Variants in ARID4B observed in about 807,000 individuals in gnomAD.
ARID4B encodes AT-rich interaction domain 4B.
A neutral mutation model predicts 147.5 loss-of-function variants in ARID4B; 26 were observed. The observed-to-expected ratio is 0.18, with a 90% CI of 0.13 to 0.24. The LOEUF (loss-of-function observed/expected upper bound fraction) is 0.24, where lower values mean the gene tolerates loss of function less well. ARID4B is among the 10% of genes least tolerant of loss of function. ARID4B has a pLI of 1.00. For missense variants in ARID4B, 1,179 were observed against 1,511.5 expected (o/e 0.78, Z 3.65); for synonymous variants, 512 against 507.9 (o/e 1.01, Z -0.11).
intron 2 of ARID4B, among the ~76,000 whole-genome samples, chr1:235,321,407 G>C (rs1270242328): frequency 1.3e-5 from 2 of 152,138 alleles, no homozygotes; most frequent in Non-Finnish European, 2.9e-5. Flanking sequence ...TTAACTAGCA[G>C]GTCCAATGAC....
chr1:235,173,771 AAT>A (rs1169414831), intron 22 of ARID4B, among the ~76,000 whole-genome samples: 1,907 of 32,256 alleles, frequency 0.059, 54 homozygotes, highest in South Asian at 0.069. Context: ...AAAAAAAAAA[AAT>A]ATATATATAT....
At position 235,328,091 on chromosome 1, in the gene ARID4B, T is replaced by G. The variant is rs1485510611; in HGVS notation, c.-372A>C. ...TCCCTCCGGGCAAAGGTCCAGGCGG[T>G]GGCCGTGGCGGCGGCAAGATGAAGC... On this transcript the variant is annotated 5_prime_UTR_variant, in exon 1 of 24. Transcript: ENST00000264183. 2 of 153,306 alleles carry G rather than the reference T, an allele frequency of 1.3e-5. No homozygotes were observed. The highest frequency in any genetic ancestry group is 1.5e-5 in the Non-Finnish European group (1 of 68,576). The allele number at this position is 153,306 out of a possible 1,614,324, so 9.5% of individuals were successfully genotyped here. A position where few individuals can be genotyped will look rare whatever the true frequency, so the allele number is the denominator to read the frequency against.
At chr1:235,236,833 A>AAAAAAAAAATATATATATAT (rs1175189621) in intron 8 of ARID4B, among the ~76,000 whole-genome samples, 1 of 33,522 alleles carries the variant, frequency 3.0e-5, no homozygotes, top group Non-Finnish European at 4.7e-5. Flanking sequence ...TTTTATAAAA[A>AAAAAAAAAATATATATATAT]ATATATATAT....
Position 235,181,685 on chromosome 1 carries a change from G to A in ARID4B, c.3234C>T (p.Leu1078=). 1 of 1,614,042 alleles carries A rather than the reference G, an allele frequency of 6.2e-7. No individual in the cohort carries two copies. Among genetic ancestry groups the A allele is most frequent in the East Asian group, 2.2e-5 (1 of 44,878 alleles). The change falls in exon 20 of 24, where the codon CTC becomes CTT. Residue 1078 remains leucine (L), a synonymous_variant. Transcript: ENST00000264183. The part of the protein sequence containing the change: ...TIEVDSVAGE[L]QDLQSEGNSS... ...TATTCCCTTCAGACTGGAGGTCTTG[G>A]AGCTCCCCAGCAACACTATCCACCT... is the stretch of plus-strand genomic sequence containing the variant.
chr1:235,318,214 A>T (rs1674574530), intron 2 of ARID4B, among the ~76,000 whole-genome samples: 1 of 122,456 alleles, frequency 8.2e-6, no homozygotes, highest in Non-Finnish European at 1.6e-5. Flanking sequence ...TCTTGATCTG[A>T]CACCTAGGCT....
chr1:235,291,300 C>T (rs1382951790), intron 2 of ARID4B, among the ~76,000 whole-genome samples: 7 of 151,806 alleles, frequency 4.6e-5, no homozygotes, highest in Non-Finnish European at 2.9e-5. Context: ...CCAGCTACCT[C>T]GGAAGGATGA....
intron 6 of ARID4B, among the ~76,000 whole-genome samples, chr1:235,248,686 C>CA (rs1669454542): frequency 6.6e-6 from 1 of 152,178 alleles, no homozygotes; most frequent in African/African-American, 2.4e-5. Context: ...GTTTAAGAAT[C>CA]ACACATAGTA....
At chr1:235,230,280 G>C (rs184849438) in intron 10 of ARID4B, among the ~76,000 whole-genome samples, 22 of 152,076 alleles carry the variant, frequency 1.4e-4, no homozygotes, top group African/African-American at 5.1e-4. Flanking sequence ...CGGGCATAGT[G>C]GTGGGCCCCT....
At position 235,274,993 on chromosome 1, in the gene ARID4B, T is replaced by TTGTGTGTG. The variant is rs72168611; in HGVS notation, c.7-14249_7-14242dup. Among the ~76,000 whole-genome samples the TTGTGTGTG allele has an allele frequency of 6.3e-3, 936 of 148,510 alleles. 12 individuals carry two copies. The highest frequency in any genetic ancestry group is 0.021 in the African/African-American group (869 of 40,534). On this transcript the variant is annotated intron_variant, in intron 2 of 23. Coordinates refer to ENST00000264183, the MANE Select transcript of ARID4B (RefSeq NM_016374.6). ...GGAAAATCCAACACTAGGCCTAATT[T>TTGTGTGTG]TGTGTGTGTGTGTGTGTGTGTGTGT...
At chr1:235,195,959 T>A in intron 18 of ARID4B, 72 bp downstream of exon 18, 2 of 873,686 alleles carry the variant, frequency 2.3e-6, no homozygotes, top group Non-Finnish European at 3.8e-6. Context: ...CACTAACACA[T>A]ATTTAATTGC....
intron 20 of ARID4B, among the ~76,000 whole-genome samples, chr1:235,178,228 T>C (rs1159211396): frequency 2.0e-5 from 3 of 152,150 alleles, no homozygotes; most frequent in African/African-American, 7.2e-5. Flanking sequence ...ATTAAAAGTA[T>C]ATGCTGAAAA....
At chr1:235,205,218 T>G (rs1666230010) in intron 17 of ARID4B, among the ~76,000 whole-genome samples, 1 of 151,098 alleles carries the variant, frequency 6.6e-6, no homozygotes, top group South Asian at 2.1e-4. Flanking sequence ...TCAGATTACA[T>G]GGAAATAAGA....
chr1:235,318,341 A>G (rs1001209463), intron 2 of ARID4B, among the ~76,000 whole-genome samples: 2 of 151,826 alleles, frequency 1.3e-5, no homozygotes, highest in African/African-American at 4.8e-5. Flanking sequence ...ACACCCGGCT[A>G]ATTTTTTTAT....
chr1:235,208,377 G>A (rs1666465484), intron 17 of ARID4B, among the ~76,000 whole-genome samples: 1 of 152,048 alleles, frequency 6.6e-6, no homozygotes, highest in African/African-American at 2.4e-5. Flanking sequence ...ACATCACTAA[G>A]AAAAGTTAAA....
chr1:235,260,881 C>A, intron 2 of ARID4B, 129 bp from the exon 3 acceptor site: 1 of 605,338 alleles, frequency 1.7e-6, no homozygotes, highest in Non-Finnish European at 2.8e-6. Flanking sequence ...TTAACAAGAC[C>A]AATCTATAAA....
rs185418213 is a variant in ARID4B at position 235,169,456 on chromosome 1, T to C, written c.3812-804A>G. On this transcript the variant is annotated intron_variant, in intron 23 of 23. Coordinates refer to ENST00000264183, the MANE Select transcript of ARID4B (RefSeq NM_016374.6). ...TGGGGTTTCACCATGTTAGCCAGGA[T>C]GGTCTCGATCTCCTGACCTCATGAT... Among the ~76,000 whole-genome samples, 14 of 152,146 alleles carry C rather than the reference T, an allele frequency of 9.2e-5. No individual in the cohort carries two copies. In the South Asian group the frequency reaches 1.2e-3, roughly 14 times the overall value.
Position 235,213,951 on chromosome 1 carries a change from CTCTTCT to C in ARID4B, c.1653_1658del (p.Glu552_Glu553del). The C allele has an allele frequency of 3.1e-6, 5 of 1,602,942 alleles. No homozygotes were observed. Among genetic ancestry groups the C allele is most frequent in the Non-Finnish European group, 4.3e-6 (5 of 1,170,562 alleles). Reference sequence around the variant, plus strand: ...CATTGTTGTCATCATCATCTTCATCCTCTTCTTCTTCTTCCTCCTCCTCCTCCTCTT... The same window carrying C: ...CATTGTTGTCATCATCATCTTCATCCTCTTCTTCCTCCTCCTCCTCCTCTT... On this transcript the variant is annotated inframe_deletion, in exon 17 of 24. Coordinates refer to ENST00000264183, the MANE Select transcript of ARID4B (RefSeq NM_016374.6).
At chr1:235,202,127 C>G (rs1665984434) in intron 17 of ARID4B, among the ~76,000 whole-genome samples, 1 of 151,146 alleles carries the variant, frequency 6.6e-6, no homozygotes, top group Non-Finnish European at 1.5e-5. Flanking sequence ...CATAATTGGC[C>G]TTTTCATAAT....
At chr1:235,223,382 T>TATATATACTCGTATATATATATATATAC (rs71172272) in intron 12 of ARID4B, 122 bp from the exon 13 acceptor site, 1 of 211,900 alleles carries the variant, frequency 4.7e-6, no homozygotes, top group African/African-American at 2.6e-5. Context: ...TATATATATA[T>TATATATACTCGTATATATATATATATAC]ACACGTATAT....
Sources: allele counts gnomAD v4.1 joint callset (sites outside exome capture counted in the v4.1 genomes callset), GRCh38; gene constraint gnomAD v4.1.1; transcripts MANE v1.5; gene names NCBI Gene and HGNC (gene_info 2026-07-23, HGNC 2026-07-21).